Variants in ZC3H7A observed in about 807,000 individuals in gnomAD.
The protein encoded by ZC3H7A is zinc finger CCCH domain-containing protein 7A.
ZC3H7A carries 44 observed loss-of-function variants against 125.5 expected under a neutral mutation model. The observed-to-expected ratio is 0.35, with a 90% CI of 0.28 to 0.45. ZC3H7A has a LOEUF of 0.45. ZC3H7A is among the 20% of genes least tolerant of loss of function. ZC3H7A has a pLI of 1.00. For missense variants in ZC3H7A, 977 were observed against 1,170.7 expected, an observed-to-expected ratio of 0.83 and a Z score of 2.41; for synonymous variants, 399 against 391.2, an observed-to-expected ratio of 1.02 and a Z score of -0.23.
intron 1 of ZC3H7A, among the ~76,000 whole-genome samples, chr16:11,785,071 T>C (rs2053235912): frequency 6.6e-6 from 1 of 151,542 alleles, no homozygotes; most frequent in African/African-American, 2.4e-5. Flanking sequence ...GGCAGGAGAA[T>C]CGCTTCAACC....
In ZC3H7A at chr16:11,782,361, C is replaced by T. The variant is rs113281560; in HGVS notation, c.-7G>A. 1.2e-6 allele frequency: 2 copies of T among 1,614,044 alleles called. No individual in the cohort carries two copies. The highest frequency in any genetic ancestry group is 8.5e-7 in the Non-Finnish European group (1 of 1,180,012). ...CCTCGGACACATTGGACATGTTATC[C>T]CACACATCCACTTTCTAAATGAGCA... is the stretch of plus-strand genomic sequence containing the variant. On this transcript the variant is annotated 5_prime_UTR_variant, in exon 2 of 23. Transcript: ENST00000355758.
At chr16:11,757,207 G>T (rs34440700) in intron 20 of ZC3H7A, among the ~76,000 whole-genome samples, 28 of 152,048 alleles carry the variant, frequency 1.8e-4, no homozygotes, top group Non-Finnish European at 4.0e-4. Flanking sequence ...GTTCCCAGCC[G>T]GGCACGGTGG....
Position 11,767,547 on chromosome 16 carries a change from A to G in ZC3H7A, c.1392T>C (p.Ala464=), listed in dbSNP as rs780419280. 6.2e-7 allele frequency: 1 copy of G among 1,603,134 alleles called. No homozygotes were observed. The change falls in exon 13 of 23, where the codon GCT becomes GCC. Residue 464 remains alanine, a synonymous_variant. Coordinates refer to ENST00000355758, the MANE Select transcript of ZC3H7A (RefSeq NM_014153.4). The part of the protein sequence containing the change: ...GPKLMDFTYH[A]NIDHKCKKDI... The stretch of plus-strand genomic sequence containing the variant: ...CTTTCTTACACTTATGATCTATGTT[A>G]GCATGGTAAGTGAAATCCATTAACT...
chr16:11,789,464 G>A (rs955624740), intron 1 of ZC3H7A, among the ~76,000 whole-genome samples: 2 of 152,018 alleles, frequency 1.3e-5, no homozygotes, highest in Non-Finnish European at 2.9e-5. Flanking sequence ...ATGTTGGCCA[G>A]GCTGGTCTTG....
rs201347331 is a variant in ZC3H7A, at chr16:11,776,720, G to A, written c.465+31C>T. 1.1e-3 allele frequency: 1,762 copies of A among 1,572,642 alleles called. 2 individuals carry two copies. The highest frequency in any genetic ancestry group is 1.4e-3 in the Non-Finnish European group (1,579 of 1,165,262). On this transcript the variant is annotated intron_variant, in intron 5 of 22. Coordinates refer to ENST00000355758, the MANE Select transcript of ZC3H7A (RefSeq NM_014153.4). ...CATTTATTATGATGTAAATGGTTAC[G>A]ATGTAAACAAATAAACTATAAATTC... is the stretch of plus-strand genomic sequence containing the variant.
At chr16:11,769,710 C>CAAAGAAAAA (rs2052938043) in intron 10 of ZC3H7A, among the ~76,000 whole-genome samples, 1 of 32,558 alleles carries the variant, frequency 3.1e-5, no homozygotes, top group Non-Finnish European at 4.8e-5. Context: ...GACTCTGTCT[C>CAAAGAAAAA]AAAAAAAAAA....
chr16:11,752,978 G>A (rs1242597359), intron 21 of ZC3H7A, 146 bp from the exon 22 acceptor site: 10 of 953,274 alleles, frequency 1.0e-5, no homozygotes, highest in Non-Finnish European at 1.5e-5. Flanking sequence ...ACAGCATGGG[G>A]AAGCAAGCCA....
rs564121827 is a variant in ZC3H7A at position 11,763,551 on chromosome 16, A to G, written c.1929T>C (p.Cys643=). 2.5e-6 allele frequency: 4 copies of G among 1,610,024 alleles called. No homozygotes were observed. The African/African-American group carries it at 5.4e-5, about 22-fold the overall frequency. The change falls in exon 16 of 23, where the codon TGT becomes TGC. Residue 643 remains cysteine (C), a synonymous_variant. Coordinates refer to ENST00000355758, the MANE Select transcript of ZC3H7A (RefSeq NM_014153.4). The part of the protein sequence containing the change: ...DLCRHEVRYG[C]LREDECFYAH... ...CATAAAAGCACTCATCTTCCCTTAA[A>G]CAGCCATACCGAACTTCATGTCGAC...
At chr16:11,754,825 G>C (rs1189098214) in intron 21 of ZC3H7A, among the ~76,000 whole-genome samples, 1 of 146,480 alleles carries the variant, frequency 6.8e-6, no homozygotes, top group Non-Finnish European at 1.5e-5. Flanking sequence ...CTGAGAGGCA[G>C]AGGTTGCAGT....
intron 4 of ZC3H7A, among the ~76,000 whole-genome samples, chr16:11,778,179 G>A (rs2053114536): frequency 6.6e-6 from 1 of 151,978 alleles, no homozygotes; most frequent in African/African-American, 2.4e-5. Flanking sequence ...GCTCACGCCT[G>A]TAATCCTAGC....
intron 3 of ZC3H7A, 70 bp downstream of exon 3, chr16:11,781,355 A>T (rs1175792915): frequency 2.0e-6 from 3 of 1,493,116 alleles, no homozygotes; most frequent in Non-Finnish European, 2.8e-6. Context: ...TCATTTGCCA[A>T]CCCCTGCTAC....
intron 1 of ZC3H7A, among the ~76,000 whole-genome samples, chr16:11,795,593 G>T (rs533732416): frequency 2.0e-5 from 3 of 151,698 alleles, no homozygotes; most frequent in Admixed American, 2.0e-4. Flanking sequence ...CTGCCACCAC[G>T]CCTGGCTGAT....
chr16:11,786,033 G>T (rs9937628), intron 1 of ZC3H7A, among the ~76,000 whole-genome samples: 3,277 of 152,304 alleles, frequency 0.022, 124 homozygotes, highest in African/African-American at 0.076. Flanking sequence ...GAAGACTGAG[G>T]CTGGAAAAGG....
intron 21 of ZC3H7A, among the ~76,000 whole-genome samples, chr16:11,754,729 TAAA>T (rs1567370969): frequency 6.8e-6 from 1 of 146,734 alleles, no homozygotes; most frequent in African/African-American, 2.5e-5. Context: ...CCGTCTCTAC[TAAA>T]AATACAAAAA....
intron 1 of ZC3H7A, among the ~76,000 whole-genome samples, chr16:11,794,166 C>T (rs1043805049): frequency 2.0e-5 from 3 of 152,162 alleles, no homozygotes; most frequent in Non-Finnish European, 4.4e-5. Context: ...GATACCACCA[C>T]GATGTACCCA....
chr16:11,778,617 A>C (rs2053123983), intron 4 of ZC3H7A, among the ~76,000 whole-genome samples: 2 of 152,154 alleles, frequency 1.3e-5, no homozygotes, highest in African/African-American at 2.4e-5. Flanking sequence ...CACCTTCAAA[A>C]GCCATACTCA....
At chr16:11,777,745 C>T (rs970874247) in intron 4 of ZC3H7A, among the ~76,000 whole-genome samples, 1 of 150,536 alleles carries the variant, frequency 6.6e-6, no homozygotes, top group Non-Finnish European at 1.5e-5. Context: ...GGTGGCCAGG[C>T]GTGGTGGCTC....
Position 11,776,496 on chromosome 16 carries a change from G to C in ZC3H7A, c.502C>G (p.Gln168Glu). Reference protein sequence around the residue: ...HVIKLTQELAQKLGFKIRKAY... With the variant: ...HVIKLTQELAEKLGFKIRKAY... Reference sequence around the variant, plus strand: ...TTTCTTATTTTAAATCCCAATTTCTGAGCTAGTTCTTGAGTTAGTTTTATT... The same window carrying C: ...TTTCTTATTTTAAATCCCAATTTCTCAGCTAGTTCTTGAGTTAGTTTTATT... The change falls in exon 6 of 23, where the codon CAG becomes GAG. Residue 168 changes from glutamine (Q) to glutamate (E), a missense_variant. By Grantham distance (29) the Gln-to-Glu change is conservative (BLOSUM62 2). This residue lies in a region of ZC3H7A where 199 missense variants were observed against 256.1 expected (regional missense o/e 0.78). Transcript: ENST00000355758. 6.2e-7 allele frequency: 1 copy of C among 1,611,846 alleles called. No individual in the cohort carries two copies. Among genetic ancestry groups the C allele is most frequent in the Non-Finnish European group, 8.5e-7 (1 of 1,179,386 alleles).
chr16:11,788,469 T>G (rs1435497694), intron 1 of ZC3H7A, among the ~76,000 whole-genome samples: 1 of 152,188 alleles, frequency 6.6e-6, no homozygotes, highest in Non-Finnish European at 1.5e-5. Flanking sequence ...CATTTTAACA[T>G]GACAGTGAAA....
Sources: allele counts gnomAD v4.1 joint callset (sites outside exome capture counted in the v4.1 genomes callset), GRCh38; gene constraint gnomAD v4.1.1; regional missense constraint gnomAD v4.1.1; transcripts MANE v1.5; gene names NCBI Gene and HGNC (gene_info 2026-07-23, HGNC 2026-07-21).